FBXO28: variants seen among roughly 807,000 people sequenced by gnomAD.
FBXO28 encodes F-box protein 28.
FBXO28 carries 8 observed loss-of-function variants against 38.1 expected under a neutral mutation model. The observed-to-expected ratio is 0.21, with a 90% confidence interval of 0.12 to 0.38. The LOEUF (loss-of-function observed/expected upper bound fraction) is 0.38, where lower values mean the gene tolerates loss of function less well. Among genes scored for constraint, FBXO28 ranks in the 10% least tolerant of loss-of-function variants. The probability of loss-of-function intolerance (pLI) is 1.00; values close to 1 mark genes in which losing one functional copy is unlikely to be tolerated. For missense variants in FBXO28, 345 were observed against 460.6 expected, an observed-to-expected ratio of 0.75 and a Z score of 2.30; for synonymous variants, 168 against 173.8, an observed-to-expected ratio of 0.97 and a Z score of 0.26.
At chr1:224,149,686 G>C (rs183367468) in intron 3 of FBXO28, among the ~76,000 whole-genome samples, 3 of 152,266 alleles carry the variant, frequency 2.0e-5, no homozygotes, top group African/African-American at 7.2e-5. Context: ...TTCTGTCATA[G>C]AGTTTACTAC....
At chr1:224,151,383 T>C (rs1657644062) in intron 3 of FBXO28, among the ~76,000 whole-genome samples, 1 of 152,212 alleles carries the variant, frequency 6.6e-6, no homozygotes, top group Non-Finnish European at 1.5e-5. Flanking sequence ...CTCAGGCTTA[T>C]GATAAGGATA....
Position 224,120,936 on chromosome 1 carries a change from A to G in FBXO28, c.267+6540A>G, listed in dbSNP as rs551916881. 3.9e-5 allele frequency among the ~76,000 whole-genome samples: 6 copies of G among 152,152 alleles called. No individual in the cohort carries two copies. In the South Asian group the frequency reaches 1.0e-3, roughly 26 times the overall value. The stretch of plus-strand genomic sequence containing the variant: ...AAGATAAATGTTTTCTGTATAAACT[A>G]TAATAGTGTTACAAAATCAGTTGCT... On this transcript the variant is annotated intron_variant, in intron 1 of 4. Coordinates refer to ENST00000366862, the MANE Select transcript of FBXO28 (RefSeq NM_015176.4).
intron 3 of FBXO28, among the ~76,000 whole-genome samples, chr1:224,146,844 A>T (rs1156349575): frequency 1.3e-5 from 2 of 150,426 alleles, no homozygotes; most frequent in Non-Finnish European, 2.9e-5. Context: ...AGTAGCTGGG[A>T]CTATAGGCAC....
At chr1:224,128,458 G>C (rs369511134) in intron 1 of FBXO28, among the ~76,000 whole-genome samples, 1 of 151,828 alleles carries the variant, frequency 6.6e-6, no homozygotes, top group East Asian at 1.9e-4. Flanking sequence ...TTTCAAATTA[G>C]TACTAAGATA....
At chr1:224,132,703 G>T (rs1202179045) in intron 2 of FBXO28, among the ~76,000 whole-genome samples, 1 of 151,914 alleles carries the variant, frequency 6.6e-6, no homozygotes, top group Admixed American at 6.6e-5. Flanking sequence ...TTCTTAGGAG[G>T]CTGAGGCAGG....
intron 3 of FBXO28, among the ~76,000 whole-genome samples, chr1:224,136,197 G>A (rs551695983): frequency 2.8e-4 from 38 of 135,554 alleles, no homozygotes; most frequent in South Asian, 2.4e-3. Context: ...TCTGCCTCCC[G>A]GTACAGGTGC....
At chr1:224,139,484 C>T (rs1416715358) in intron 3 of FBXO28, among the ~76,000 whole-genome samples, 1 of 151,762 alleles carries the variant, frequency 6.6e-6, no homozygotes, top group African/African-American at 2.4e-5. Flanking sequence ...TGGCTCACAC[C>T]TGTAATCCCA....
At chr1:224,139,772 A>G (rs9725802) in intron 3 of FBXO28, among the ~76,000 whole-genome samples, 70,093 of 117,998 alleles carry the variant, frequency 0.59, 17,597 homozygotes, top group South Asian at 0.66. Context: ...ATGCATACAT[A>G]CATACATACA....
At chr1:224,132,586 A>C (rs1261019602) in intron 2 of FBXO28, among the ~76,000 whole-genome samples, 3 of 152,138 alleles carry the variant, frequency 2.0e-5, no homozygotes, top group African/African-American at 2.4e-5. Flanking sequence ...CAGGTGGATC[A>C]CCTGAGGTCA....
At chr1:224,120,863 C>A (rs1290301788) in intron 1 of FBXO28, among the ~76,000 whole-genome samples, 4 of 118,930 alleles carry the variant, frequency 3.4e-5, no homozygotes, top group African/African-American at 9.4e-5. Context: ...AACTCCATCT[C>A]AAAAAAAAAA....
intron 3 of FBXO28, among the ~76,000 whole-genome samples, chr1:224,138,828 C>T (rs1657262488): frequency 6.6e-6 from 1 of 151,774 alleles, no homozygotes; most frequent in Non-Finnish European, 1.5e-5. Context: ...AATCCACCCA[C>T]CTCAGCCTCC....
intron 3 of FBXO28, among the ~76,000 whole-genome samples, chr1:224,150,777 A>G (rs1218631546): frequency 1.3e-5 from 2 of 151,946 alleles, no homozygotes; most frequent in African/African-American, 2.4e-5. Flanking sequence ...CCAACCACCC[A>G]TCTCATGTTA....
intron 4 of FBXO28, among the ~76,000 whole-genome samples, chr1:224,154,147 C>T (rs1320982111): frequency 1.3e-5 from 2 of 152,170 alleles, no homozygotes; most frequent in East Asian, 1.9e-4. Flanking sequence ...ACGAACCTAC[C>T]GAACATCATA....
intron 1 of FBXO28, among the ~76,000 whole-genome samples, chr1:224,128,744 T>C (rs1277454251): frequency 1.3e-5 from 2 of 152,040 alleles, no homozygotes; most frequent in African/African-American, 2.4e-5. Context: ...CATAGCACTT[T>C]GGCAGGCCAA....
At chr1:224,133,983 CTG>C in intron 2 of FBXO28, 89 bp from the exon 3 acceptor site, 1 of 867,938 alleles carries the variant, frequency 1.2e-6, no homozygotes, top group Non-Finnish European at 1.6e-6. Context: ...ATGTAAAAGA[CTG>C]TTTCATTAAG....
In FBXO28 at chr1:224,146,832, C is replaced by T. The variant is rs980130053; in HGVS notation, c.517-6310C>T. 2.6e-5 allele frequency among the ~76,000 whole-genome samples: 4 copies of T among 151,236 alleles called. 1 individual carries two copies. Among genetic ancestry groups the T allele is most frequent in the South Asian group, 4.2e-4 (2 of 4,784 alleles). On this transcript the variant is annotated intron_variant, in intron 3 of 4. Transcript: ENST00000366862. ...AAGCGATTCTTCTGCCTCAGCCTCC[C>T]GAGTAGCTGGGACTATAGGCACGTG...
intron 1 of FBXO28, among the ~76,000 whole-genome samples, chr1:224,120,507 T>C (rs1656747001): frequency 1.3e-5 from 2 of 152,218 alleles, no homozygotes; most frequent in African/African-American, 4.8e-5. Context: ...TCAGTAATTA[T>C]TGAATAAATG....
chr1:224,122,662 T>G (rs889475876), intron 1 of FBXO28, among the ~76,000 whole-genome samples: 2 of 152,134 alleles, frequency 1.3e-5, no homozygotes, highest in Admixed American at 6.6e-5. Context: ...TTTTGAAGAC[T>G]AGGCCAGATG....
intron 1 of FBXO28, among the ~76,000 whole-genome samples, chr1:224,116,993 G>A (rs749677876): frequency 3.9e-5 from 6 of 151,936 alleles, no homozygotes; most frequent in Non-Finnish European, 8.8e-5. Context: ...GGCCAACATG[G>A]TGAAACCCCA....
Sources: gnomAD v4.1 joint callset for allele counts (sites outside exome capture counted in the v4.1 genomes callset) on GRCh38, gnomAD v4.1.1 for gene constraint, MANE v1.5 for transcripts, NCBI Gene and HGNC (gene_info 2026-07-23, HGNC 2026-07-21) for gene names.